Variants in GALNT2 observed in about 807,000 individuals in gnomAD.
GALNT2 encodes polypeptide N-acetylgalactosaminyltransferase 2, also known as UDP-GalNAc:polypeptide N-acetylgalactosaminyltransferase 2.
A neutral mutation model predicts 81.4 loss-of-function variants in GALNT2; 31 were observed. The ratio of observed to expected loss-of-function variants is 0.38; its 90% CI spans 0.29 to 0.51. The LOEUF (loss-of-function observed/expected upper bound fraction) is 0.51, where lower values mean the gene tolerates loss of function less well. GALNT2 is among the 20% of genes least tolerant of loss of function. The pLI, the probability that GALNT2 is intolerant of heterozygous loss-of-function variation, is 0.87. For missense variants in GALNT2, 629 were observed against 765.7 expected (o/e 0.82, Z 2.11); for synonymous variants, 303 against 287.4 (o/e 1.05, Z -0.55).
chr1:230,277,900 A>G (rs1251883299), intron 15 of GALNT2, among the ~76,000 whole-genome samples: 1 of 152,170 alleles, frequency 6.6e-6, no homozygotes, highest in Non-Finnish European at 1.5e-5. Context: ...GGGGAAAGGG[A>G]GGCAGGAGTG....
intron 1 of GALNT2, among the ~76,000 whole-genome samples, chr1:230,134,365 C>G (rs1242029573): frequency 1.3e-5 from 2 of 152,180 alleles, no homozygotes; most frequent in East Asian, 3.9e-4. Context: ...CCTTGGCCTC[C>G]CAAAGTGCTG....
intron 1 of GALNT2, among the ~76,000 whole-genome samples, chr1:230,095,133 G>C (rs1285232562): frequency 6.6e-6 from 1 of 151,952 alleles, no homozygotes; most frequent in Non-Finnish European, 1.5e-5. Context: ...GGAGAGTGTC[G>C]ACCCTGACCC....
rs1179236288 is a variant in GALNT2 at position 230,257,347 on chromosome 1, G to A, written c.1136+2003G>A. ...GGGTCCTGTGAGCACTGTTGCAGTA[G>A]CCCAGGCCAGAGATGTGATACAGTC... is the stretch of plus-strand genomic sequence containing the variant. On this transcript the variant is annotated intron_variant, in intron 11 of 15. Coordinates refer to ENST00000366672, the MANE Select transcript of GALNT2 (RefSeq NM_004481.5). The surrounding 1 kb of genome is among the most constrained non-coding windows in gnomAD (Gnocchi z 4.6). 1.3e-5 allele frequency among the ~76,000 whole-genome samples: 2 copies of A among 152,238 alleles called. No homozygotes were observed. The highest frequency in any genetic ancestry group is 2.9e-5 in the Non-Finnish European group (2 of 68,038).
At chr1:230,220,987 A>G (rs1293944994) in intron 3 of GALNT2, among the ~76,000 whole-genome samples, 1 of 152,228 alleles carries the variant, frequency 6.6e-6, no homozygotes, top group Non-Finnish European at 1.5e-5. Flanking sequence ...TTTTTTCTTT[A>G]AAGAAAAAGC....
chr1:230,195,345 A>G (rs980085813), intron 2 of GALNT2, among the ~76,000 whole-genome samples: 3 of 152,212 alleles, frequency 2.0e-5, no homozygotes, highest in Non-Finnish European at 4.4e-5. Context: ...GAAGAGTGGA[A>G]GCACTTATAA....
intron 1 of GALNT2, among the ~76,000 whole-genome samples, chr1:230,170,969 A>G (rs1218814018): frequency 1.3e-5 from 2 of 152,222 alleles, no homozygotes; most frequent in Admixed American, 1.3e-4. Context: ...GAAATCACCT[A>G]GTTAACTCTG....
At chr1:230,214,976 T>C (rs1198250393) in intron 3 of GALNT2, among the ~76,000 whole-genome samples, 1 of 152,216 alleles carries the variant, frequency 6.6e-6, no homozygotes, top group Non-Finnish European at 1.5e-5. Context: ...TACCGAGATA[T>C]TTCAGGGCTC....
intron 1 of GALNT2, among the ~76,000 whole-genome samples, chr1:230,085,626 G>A (rs887824549): frequency 2.6e-5 from 4 of 152,216 alleles, no homozygotes; most frequent in African/African-American, 9.6e-5. Flanking sequence ...GCATGATCCA[G>A]TTCATCACTG....
At chr1:230,115,519 A>G (rs1234541083) in intron 1 of GALNT2, among the ~76,000 whole-genome samples, 1 of 152,156 alleles carries the variant, frequency 6.6e-6, no homozygotes, top group Non-Finnish European at 1.5e-5. Flanking sequence ...ATTTTAAAAT[A>G]TTTTATTACT....
At chr1:230,186,487 A>G (rs1450516453) in intron 2 of GALNT2, among the ~76,000 whole-genome samples, 2 of 152,216 alleles carry the variant, frequency 1.3e-5, no homozygotes, top group Non-Finnish European at 2.9e-5. Context: ...AGAATAGTTA[A>G]TATTCCTTTA....
intron 1 of GALNT2, among the ~76,000 whole-genome samples, chr1:230,124,433 G>A (rs924024529): frequency 5.9e-5 from 9 of 152,152 alleles, no homozygotes; most frequent in Admixed American, 3.3e-4. Flanking sequence ...CCAGTGGCGT[G>A]TTAATGTTAC....
intron 1 of GALNT2, among the ~76,000 whole-genome samples, chr1:230,101,143 A>G (rs537102709): frequency 1.8e-4 from 28 of 152,228 alleles, no homozygotes; most frequent in Non-Finnish European, 3.4e-4. Context: ...CGAGCAAGAA[A>G]TAGCATAATG....
intron 2 of GALNT2, among the ~76,000 whole-genome samples, chr1:230,191,612 A>G (rs910423737): frequency 1.3e-5 from 2 of 152,204 alleles, no homozygotes; most frequent in Non-Finnish European, 2.9e-5. Context: ...CCTGGGCTTA[A>G]GCAGTCCTCC....
At chr1:230,226,634 G>T (rs545500792) in intron 3 of GALNT2, among the ~76,000 whole-genome samples, 1 of 152,150 alleles carries the variant, frequency 6.6e-6, no homozygotes, top group Non-Finnish European at 1.5e-5. Context: ...GAACACATGC[G>T]GAGGCAGGTG....
chr1:230,268,862 T>C (rs1010076024), intron 14 of GALNT2, among the ~76,000 whole-genome samples: 1 of 152,214 alleles, frequency 6.6e-6, no homozygotes, highest in Admixed American at 6.5e-5. Flanking sequence ...TGCACAGTGC[T>C]GAGGGCAGCC....
chr1:230,131,106 G>A (rs1198318465), intron 1 of GALNT2, among the ~76,000 whole-genome samples: 1 of 151,954 alleles, frequency 6.6e-6, no homozygotes, highest in Non-Finnish European at 1.5e-5. Context: ...TATCTAAAAA[G>A]CTAGGCACAA....
At chr1:230,266,053 G>T (rs1365197735) in intron 14 of GALNT2, among the ~76,000 whole-genome samples, 2 of 152,154 alleles carry the variant, frequency 1.3e-5, no homozygotes, top group African/African-American at 4.8e-5. Flanking sequence ...AATTAGCCAA[G>T]CGTGGTGGCG....
intron 10 of GALNT2, 65 bp downstream of exon 10, chr1:230,250,625 ATTGG>A: frequency 7.9e-7 from 1 of 1,263,960 alleles, no homozygotes; most frequent in Non-Finnish European, 1.1e-6. Context: ...CAGGGTGCCA[ATTGG>A]AAAAAAAATT....
At chr1:230,175,930 C>T (rs893584772) in intron 1 of GALNT2, among the ~76,000 whole-genome samples, 2 of 151,972 alleles carry the variant, frequency 1.3e-5, no homozygotes, top group Non-Finnish European at 2.9e-5. Context: ...TTACCAGCTG[C>T]GTAACCTGGA....
Sources: gnomAD v4.1 joint callset for allele counts (sites outside exome capture counted in the v4.1 genomes callset) on GRCh38, gnomAD v4.1.1 for gene constraint, Gnocchi (gnomAD v3.1) non-coding constraint, MANE v1.5 for transcripts, NCBI Gene and HGNC (gene_info 2026-07-23, HGNC 2026-07-21) for gene names.